Variants in GCNT2 observed in about 807,000 individuals in gnomAD.
GCNT2 encodes the protein N-acetyllactosaminide beta-1,6-N-acetylglucosaminyl-transferase.
GCNT2 carries 34 observed loss-of-function variants against 34.2 expected under a neutral mutation model. The observed-to-expected ratio is 1.00, with a 90% CI of 0.76 to 1.32. The LOEUF (loss-of-function observed/expected upper bound fraction) is 1.32, where lower values mean the gene tolerates loss of function less well. GCNT2 is among the 40% of genes most tolerant of loss of function. The pLI is 0.00. For synonymous variants in GCNT2, 212 were observed against 188.0 expected, an observed-to-expected ratio of 1.13 and a Z score of -1.04; for missense variants, 584 against 489.4, an observed-to-expected ratio of 1.19 and a Z score of -1.82.
At chr6:10,536,319 GT>G (rs919613391) in intron 3 of GCNT2, among the ~76,000 whole-genome samples, 15 of 151,680 alleles carry the variant, frequency 9.9e-5, no homozygotes, top group African/African-American at 3.6e-4. Context: ...AGCAATCTCT[GT>G]TTTTTTATAT....
chr6:10,578,910 C>CGG (rs1763946012), intron 3 of GCNT2, among the ~76,000 whole-genome samples: 2 of 152,054 alleles, frequency 1.3e-5, no homozygotes, highest in African/African-American at 2.4e-5. Context: ...TGGGAGGAGG[C>CGG]GGAGAACTGG....
In GCNT2 at chr6:10,559,221, C is replaced by A. The variant is rs79425856; in HGVS notation, c.925+29385C>A. Among the ~76,000 whole-genome samples, 1,509 of 151,800 alleles carry A rather than the reference C, an allele frequency of 9.9e-3. 22 individuals are homozygous for A. The highest frequency in any genetic ancestry group is 0.035 in the African/African-American group (1,440 of 41,442). ...AAAAGAATTCCCCTTTTTTCCTTAC[C>A]CCTTTCTGATCTCTTGGGAGACCAA... On this transcript the variant is annotated intron_variant, in intron 3 of 4. Coordinates refer to ENST00000495262, the MANE Select transcript of GCNT2 (RefSeq NM_145649.5).
At chr6:10,538,455 T>G (rs1268566747) in intron 3 of GCNT2, among the ~76,000 whole-genome samples, 1 of 134,330 alleles carries the variant, frequency 7.4e-6, no homozygotes, top group Non-Finnish European at 1.5e-5. Context: ...TATATATATA[T>G]ATGTTGAACT....
chr6:10,559,884 C>T (rs760466640), intron 3 of GCNT2, among the ~76,000 whole-genome samples: 3 of 152,204 alleles, frequency 2.0e-5, no homozygotes, highest in Non-Finnish European at 2.9e-5. Context: ...CTAGGTAGGC[C>T]TTCACAAATT....
At chr6:10,607,850 C>CT (rs1380181117) in intron 3 of GCNT2, among the ~76,000 whole-genome samples, 2 of 152,048 alleles carry the variant, frequency 1.3e-5, no homozygotes, top group Non-Finnish European at 2.9e-5. Flanking sequence ...AAACATGCTG[C>CT]TTTTACTCTA....
intron 4 of GCNT2, among the ~76,000 whole-genome samples, chr6:10,623,992 C>T (rs1211355930): frequency 1.3e-5 from 2 of 152,158 alleles, no homozygotes; most frequent in African/African-American, 4.8e-5. Context: ...TCATTACCAC[C>T]ATCTGCCTTT....
intron 4 of GCNT2, among the ~76,000 whole-genome samples, chr6:10,623,715 C>T (rs1766144498): frequency 6.6e-6 from 1 of 152,218 alleles, no homozygotes; most frequent in Non-Finnish European, 1.5e-5. Context: ...ACTTATTTTA[C>T]TGTCTTTCTT....
Position 10,582,120 on chromosome 6 carries a change from C to T in GCNT2, c.926-39231C>T, listed in dbSNP as rs542590380. ...TATCTCTTAAAGTACATATAAAAAACATTTATAAATGCATATATGATATAT... is the reference window on the plus strand; with the variant it reads ...TATCTCTTAAAGTACATATAAAAAATATTTATAAATGCATATATGATATAT... On this transcript the variant is annotated intron_variant, in intron 3 of 4. Transcript: ENST00000495262. 7.0e-3 allele frequency among the ~76,000 whole-genome samples: 967 copies of T among 138,750 alleles called. 15 individuals are homozygous for T. Among genetic ancestry groups the T allele is most frequent in the African/African-American group, 0.023 (850 of 37,554 alleles). 91.0% of individuals were successfully genotyped at this position (138,750 alleles called of 152,430 possible).
In GCNT2 at chr6:10,558,713, C is replaced by T. The variant is rs369381278; in HGVS notation, c.925+28877C>T. 5.4e-4 allele frequency among the ~76,000 whole-genome samples: 83 copies of T among 152,354 alleles called. 2 individuals are homozygous for T. The South Asian group carries it at 0.012, about 23-fold the overall frequency. On this transcript the variant is annotated intron_variant, in intron 3 of 4. Transcript: ENST00000495262. ...TGGTAGGTGCTCTCAGGCTGCAGGG[C>T]AGGGCCTGCTGGGCGATAAACACGC...
At chr6:10,596,653 C>G (rs1165181385) in intron 3 of GCNT2, among the ~76,000 whole-genome samples, 1 of 151,656 alleles carries the variant, frequency 6.6e-6, no homozygotes, top group Non-Finnish European at 1.5e-5. Flanking sequence ...GTGGGGTACA[C>G]TGTTTCCTGT....
chr6:10,628,493 A>C lies in GCNT2; in HGVS notation c.*1886A>C, dbSNP rs1051204852. On this transcript the variant is annotated 3_prime_UTR_variant, in exon 5 of 5. Coordinates refer to ENST00000495262, the MANE Select transcript of GCNT2 (RefSeq NM_145649.5). ...AGCTGGTCACACAAGGAACTCTTGA[A>C]GGCCACATGTGAAAACCTGTCACTT... The C allele has an allele frequency of 2.6e-5, 4 of 152,204 alleles. No homozygotes were observed. Among genetic ancestry groups the C allele is most frequent in the Non-Finnish European group, 4.4e-5 (3 of 68,038 alleles). The allele number at this position is 152,204 out of a possible 1,614,324, so 9.4% of individuals were successfully genotyped here.
intron 3 of GCNT2, among the ~76,000 whole-genome samples, chr6:10,575,892 C>T (rs1407288165): frequency 6.6e-6 from 1 of 151,990 alleles, no homozygotes; most frequent in Non-Finnish European, 1.5e-5. Context: ...CCCCCTTTGA[C>T]TGTAATTTTC....
At chr6:10,577,140 C>T (rs578083653) in intron 3 of GCNT2, among the ~76,000 whole-genome samples, 47 of 152,272 alleles carry the variant, frequency 3.1e-4, no homozygotes, top group African/African-American at 9.4e-4. Context: ...GAGAATTGGG[C>T]GTGTGTGACT....
intron 3 of GCNT2, among the ~76,000 whole-genome samples, chr6:10,580,807 G>T (rs1415248027): frequency 2.0e-5 from 3 of 152,150 alleles, no homozygotes; most frequent in Admixed American, 6.5e-5. Context: ...CATTGTGAGG[G>T]AAGAGAAATC....
chr6:10,541,245 G>A (rs148703662), intron 3 of GCNT2, among the ~76,000 whole-genome samples: 9 of 152,160 alleles, frequency 5.9e-5, no homozygotes, highest in Admixed American at 2.0e-4. Flanking sequence ...CAGCTCCCAC[G>A]TATGAGAACA....
chr6:10,577,075 C>A (rs576088953), intron 3 of GCNT2, among the ~76,000 whole-genome samples: 2 of 152,168 alleles, frequency 1.3e-5, no homozygotes, highest in South Asian at 4.1e-4. Flanking sequence ...GAGATCTCAT[C>A]TTTAAAAAAT....
intron 3 of GCNT2, among the ~76,000 whole-genome samples, chr6:10,576,431 T>C (rs1315815961): frequency 1.3e-5 from 2 of 152,150 alleles, no homozygotes; most frequent in Non-Finnish European, 2.9e-5. Flanking sequence ...GGCAAACATA[T>C]TTGCCTCACG....
chr6:10,562,234 G>A (rs994236779), intron 3 of GCNT2, among the ~76,000 whole-genome samples: 1 of 152,138 alleles, frequency 6.6e-6, no homozygotes, highest in Admixed American at 6.5e-5. Flanking sequence ...CAACCAGGTC[G>A]AGATGGTCCC....
chr6:10,539,893 C>T (rs947253066), intron 3 of GCNT2, among the ~76,000 whole-genome samples: 2 of 152,140 alleles, frequency 1.3e-5, no homozygotes, highest in Non-Finnish European at 2.9e-5. Context: ...GCCTAGGCAA[C>T]ATAGTGAAAT....
Sources: allele counts gnomAD v4.1 joint callset (sites outside exome capture counted in the v4.1 genomes callset), GRCh38; gene constraint gnomAD v4.1.1; transcripts MANE v1.5; gene names NCBI Gene and HGNC (gene_info 2026-07-23, HGNC 2026-07-21).